WASF1: variants seen among roughly 807,000 people sequenced by gnomAD.
WASF1 encodes WASP family member 1.
A neutral mutation model predicts 50.5 loss-of-function variants in WASF1; 7 were observed. The observed-to-expected ratio is 0.14, with a 90% CI of 0.08 to 0.26. The LOEUF (loss-of-function observed/expected upper bound fraction) is 0.26. Among genes scored for constraint, WASF1 ranks in the 10% least tolerant of loss-of-function variants. The pLI is 1.00. For synonymous variants in WASF1, 205 were observed against 244.0 expected, an observed-to-expected ratio of 0.84 and a Z score of 1.49; for missense variants, 470 against 694.7, an observed-to-expected ratio of 0.68 and a Z score of 3.64.
At position 110,124,274 on chromosome 6, in the gene WASF1, C is replaced by CTATATATATA. The variant is rs35703116; in HGVS notation, c.133+3185_133+3194dup. Reference sequence around the variant, plus strand: ...TCTCTCTCTCTCTCTCTCTCTCTCTCTATATATATATATATATATATATAT... The same window carrying CTATATATATA: ...TCTCTCTCTCTCTCTCTCTCTCTCTCTATATATATATATATATATATATATATATATATAT... On this transcript the variant is annotated intron_variant, in intron 4 of 10. Coordinates refer to ENST00000392589, the MANE Select transcript of WASF1 (RefSeq NM_003931.3). 3.0e-3 allele frequency among the ~76,000 whole-genome samples: 61 copies of CTATATATATA among 20,494 alleles called. 3 individuals carry two copies. The highest frequency in any genetic ancestry group is 0.011 in the East Asian group (4 of 374). 13.4% of individuals were successfully genotyped at this position (20,494 alleles called of 152,430 possible).
At chr6:110,106,741 T>A (rs557146697) in intron 7 of WASF1, among the ~76,000 whole-genome samples, 1 of 152,366 alleles carries the variant, frequency 6.6e-6, no homozygotes, top group Non-Finnish European at 1.5e-5. Flanking sequence ...TCTTCCTTGG[T>A]ACACCTAACT....
intron 2 of WASF1, among the ~76,000 whole-genome samples, chr6:110,167,691 A>G (rs575585453): frequency 1.3e-5 from 2 of 152,132 alleles, no homozygotes; most frequent in Admixed American, 6.6e-5. Flanking sequence ...ACCCTCAAAT[A>G]AGGTCAACCA....
chr6:110,143,580 G>A lies in WASF1; in HGVS notation c.-28-15951C>T, dbSNP rs566609902. Among the ~76,000 whole-genome samples, 23 of 152,146 alleles carry A rather than the reference G, an allele frequency of 1.5e-4. No homozygotes were observed. In the East Asian group the frequency reaches 2.3e-3, roughly 15 times the overall value. ...ATGGCCTGTAAAGTTTATTTAAAAC[G>A]TTTAAAGGACTCCTTGTAGTTAACA... On this transcript the variant is annotated intron_variant, in intron 3 of 10. Coordinates refer to ENST00000392589, the MANE Select transcript of WASF1 (RefSeq NM_003931.3).
intron 3 of WASF1, among the ~76,000 whole-genome samples, chr6:110,148,252 TAACC>T (rs200363946): frequency 0.013 from 1,940 of 152,284 alleles, 48 homozygotes; most frequent in African/African-American, 0.045. Context: ...TTCATTCATC[TAACC>T]AACCATTTAC....
chr6:110,106,051 A>G (rs867022707), intron 7 of WASF1, among the ~76,000 whole-genome samples: 5 of 152,248 alleles, frequency 3.3e-5, no homozygotes, highest in Non-Finnish European at 7.3e-5. Flanking sequence ...GATAATAACT[A>G]TATCACTCAA....
chr6:110,152,738 G>A (rs1775878316), intron 3 of WASF1, among the ~76,000 whole-genome samples: 1 of 152,150 alleles, frequency 6.6e-6, no homozygotes, highest in African/African-American at 2.4e-5. Context: ...AATTACTAGA[G>A]ATGTTTTAGC....
chr6:110,106,156 C>T (rs976045566), intron 7 of WASF1, among the ~76,000 whole-genome samples: 10 of 152,158 alleles, frequency 6.6e-5, no homozygotes, highest in Non-Finnish European at 1.3e-4. Context: ...CAAATTCAAA[C>T]GCCCAAAGCG....
intron 4 of WASF1, among the ~76,000 whole-genome samples, chr6:110,116,361 C>A (rs933746451): frequency 6.6e-6 from 1 of 152,234 alleles, no homozygotes; most frequent in Non-Finnish European, 1.5e-5. Flanking sequence ...GTCTTAGCAA[C>A]CAGCAGACCA....
intron 4 of WASF1, among the ~76,000 whole-genome samples, chr6:110,125,987 T>C (rs1351532427): frequency 2.0e-5 from 3 of 152,220 alleles, no homozygotes; most frequent in African/African-American, 7.2e-5. Context: ...TTCTAAATTC[T>C]ATATTGGGTA....
chr6:110,118,931 T>A (rs1157547833), intron 4 of WASF1, among the ~76,000 whole-genome samples: 2 of 152,134 alleles, frequency 1.3e-5, no homozygotes, highest in Non-Finnish European at 2.9e-5. Context: ...AACAACCTGC[T>A]CCTGAATGAC....
intron 3 of WASF1, among the ~76,000 whole-genome samples, chr6:110,138,142 T>C (rs985107180): frequency 6.6e-6 from 1 of 152,248 alleles, no homozygotes; most frequent in African/African-American, 2.4e-5. Flanking sequence ...TAGCCAAGCA[T>C]GCTGGCTGCA....
intron 2 of WASF1, among the ~76,000 whole-genome samples, chr6:110,161,336 ACTAGT>A (rs1259817775): frequency 2.6e-5 from 4 of 151,596 alleles, no homozygotes; most frequent in South Asian, 4.1e-4. Flanking sequence ...GGAGGAACTA[ACTAGT>A]CTAAAGTTTC....
chr6:110,128,202 A>C (rs1030650562), intron 3 of WASF1, among the ~76,000 whole-genome samples: 7 of 152,182 alleles, frequency 4.6e-5, no homozygotes, highest in African/African-American at 1.7e-4. Context: ...TTAACTTCCA[A>C]TTACTAGAAT....
chr6:110,161,564 G>C (rs1051904670), intron 2 of WASF1, among the ~76,000 whole-genome samples: 3 of 151,550 alleles, frequency 2.0e-5, no homozygotes, highest in Non-Finnish European at 4.4e-5. Context: ...CAAGATATGT[G>C]AGACCTCATT....
chr6:110,134,450 G>T (rs1228818912), intron 3 of WASF1, among the ~76,000 whole-genome samples: 1 of 149,854 alleles, frequency 6.7e-6, no homozygotes. Context: ...TGGAGATGGA[G>T]TTTCGCTCTT....
intron 3 of WASF1, among the ~76,000 whole-genome samples, chr6:110,144,656 G>T (rs1459150880): frequency 1.3e-5 from 2 of 152,236 alleles, no homozygotes; most frequent in East Asian, 3.9e-4. Flanking sequence ...TGTAAGGAAG[G>T]GATCCAGTTT....
chr6:110,172,609 G>T (rs183982722), intron 2 of WASF1, among the ~76,000 whole-genome samples: 27 of 152,196 alleles, frequency 1.8e-4, no homozygotes, highest in African/African-American at 6.5e-4. Flanking sequence ...CCATTAAAAA[G>T]AATGAAATAA....
chr6:110,124,412 TC>T (rs1197900587), intron 4 of WASF1, among the ~76,000 whole-genome samples: 2 of 149,772 alleles, frequency 1.3e-5, no homozygotes, highest in Non-Finnish European at 3.0e-5. Flanking sequence ...CTCCATTCAC[TC>T]TTAGAGTATC....
At chr6:110,108,214 T>C (rs2085741667) in intron 6 of WASF1, among the ~76,000 whole-genome samples, 1 of 151,654 alleles carries the variant, frequency 6.6e-6, no homozygotes, top group Non-Finnish European at 1.5e-5. Context: ...GGACAGAATT[T>C]TGAGCTTTTT....
Sources: gnomAD v4.1 joint callset for allele counts (sites outside exome capture counted in the v4.1 genomes callset) on GRCh38, gnomAD v4.1.1 for gene constraint, MANE v1.5 for transcripts, NCBI Gene and HGNC (gene_info 2026-07-23, HGNC 2026-07-21) for gene names.